The following CACNA2D1 variants were observed in gnomAD, a reference collection of about 807,000 sequenced individuals.
The protein encoded by CACNA2D1 is voltage-dependent calcium channel subunit alpha-2/delta-1.
In CACNA2D1, 53 loss-of-function variants were observed where a neutral mutation model predicts 171.5. The observed-to-expected ratio is 0.31, with a 90% CI of 0.25 to 0.39. The LOEUF is 0.39. CACNA2D1 is among the 10% of genes least tolerant of loss of function. The pLI is 1.00. For synonymous variants in CACNA2D1, 442 were observed against 443.1 expected, an observed-to-expected ratio of 1.00 and a Z score of 0.03; for missense variants, 903 against 1,299.8, an observed-to-expected ratio of 0.69 and a Z score of 4.69.
Position 82,190,374 on chromosome 7 carries a change from G to A in CACNA2D1, c.295-19765C>T, listed in dbSNP as rs138003956. Among the ~76,000 whole-genome samples, 12 of 151,708 alleles carry A rather than the reference G, an allele frequency of 7.9e-5. No individual in the cohort carries two copies. In the East Asian group the frequency reaches 1.2e-3, roughly 15 times the overall value. ...TTGTTTTAAGAAAAAAATCTGCTCC[G>A]TGGCACAAAGGAGATTAATTACTAA... On this transcript the variant is annotated intron_variant, in intron 3 of 38. Coordinates refer to ENST00000356860, the MANE Select transcript of CACNA2D1 (RefSeq NM_000722.4).
chr7:82,281,506 T>A (rs964727472), intron 3 of CACNA2D1, among the ~76,000 whole-genome samples: 2 of 152,216 alleles, frequency 1.3e-5, no homozygotes, highest in African/African-American at 4.8e-5. Flanking sequence ...CCTTAGAAAG[T>A]GAATATTCTC....
intron 1 of CACNA2D1, among the ~76,000 whole-genome samples, chr7:82,397,512 AG>A (rs1825868852): frequency 6.6e-6 from 1 of 152,140 alleles, no homozygotes; most frequent in Non-Finnish European, 1.5e-5. Context: ...CATTTTGCCT[AG>A]AATTGAGCAT....
intron 6 of CACNA2D1, among the ~76,000 whole-genome samples, chr7:82,088,057 G>A (rs1052525154): frequency 1.3e-4 from 20 of 152,020 alleles, no homozygotes; most frequent in African/African-American, 4.8e-4. Context: ...CTCTAAATAT[G>A]TGGGTAGAGT....
chr7:82,209,400 T>C (rs1362682579), intron 3 of CACNA2D1, among the ~76,000 whole-genome samples: 2 of 152,170 alleles, frequency 1.3e-5, no homozygotes, highest in South Asian at 4.1e-4. Flanking sequence ...AGTGTGCAAT[T>C]CATCACAACA....
intron 6 of CACNA2D1, among the ~76,000 whole-genome samples, chr7:82,085,275 CCA>C (rs1810316159): frequency 6.6e-6 from 1 of 152,070 alleles, no homozygotes; most frequent in African/African-American, 2.4e-5. Context: ...TAGTACCTCC[CCA>C]CCCCCAAGTT....
chr7:82,067,706 G>C lies in CACNA2D1; in HGVS notation c.659-1182C>G, dbSNP rs114439523. Among the ~76,000 whole-genome samples the C allele has an allele frequency of 3.4e-3, 523 of 152,280 alleles. 5 individuals are homozygous for C. Among genetic ancestry groups the C allele is most frequent in the African/African-American group, 0.012 (500 of 41,560 alleles). ...TTGCACTTGCAGAAAGTGAGAGTCTGCGATGTAAAATAATCCTTTTTGTGT... is the reference window on the plus strand; with the variant it reads ...TTGCACTTGCAGAAAGTGAGAGTCTCCGATGTAAAATAATCCTTTTTGTGT... On this transcript the variant is annotated intron_variant, in intron 7 of 38. Transcript: ENST00000356860.
chr7:82,011,234 T>C (rs1799736454), intron 15 of CACNA2D1, among the ~76,000 whole-genome samples: 1 of 152,136 alleles, frequency 6.6e-6, no homozygotes, highest in South Asian at 2.1e-4. Context: ...TGAATTGTCT[T>C]GGGCCACACC....
intron 4 of CACNA2D1, among the ~76,000 whole-genome samples, chr7:82,139,945 CTATTAT>C (rs4018980): frequency 1.5e-3 from 209 of 142,944 alleles, no homozygotes; most frequent in African/African-American, 3.9e-3. Flanking sequence ...ACACACCTGG[CTATTAT>C]TATTATTATT....
At chr7:82,291,449 T>TTA (rs1187907219) in intron 3 of CACNA2D1, among the ~76,000 whole-genome samples, 7 of 135,948 alleles carry the variant, frequency 5.1e-5, no homozygotes, top group African/African-American at 1.9e-4. Flanking sequence ...TATATTTTTA[T>TTA]TATATATATT....
intron 3 of CACNA2D1, among the ~76,000 whole-genome samples, chr7:82,320,770 T>C (rs970453171): frequency 2.0e-5 from 3 of 151,850 alleles, no homozygotes; most frequent in Non-Finnish European, 4.4e-5. Flanking sequence ...AATAAAGCAA[T>C]CAAAAGTTTT....
intron 3 of CACNA2D1, among the ~76,000 whole-genome samples, chr7:82,178,231 C>A (rs1482856487): frequency 6.6e-6 from 1 of 152,048 alleles, no homozygotes. Context: ...TCATGAAATA[C>A]TTCAAAATTA....
At chr7:81,999,921 A>G (rs902885063) in intron 18 of CACNA2D1, among the ~76,000 whole-genome samples, 2 of 152,172 alleles carry the variant, frequency 1.3e-5, no homozygotes, top group Non-Finnish European at 2.9e-5. Flanking sequence ...AAGTTTCTCA[A>G]CTAGGGCAGT....
chr7:82,062,797 A>C (rs1161725456), intron 9 of CACNA2D1, among the ~76,000 whole-genome samples: 1 of 121,432 alleles, frequency 8.2e-6, no homozygotes, highest in Non-Finnish European at 1.6e-5. Context: ...GCTGGAGTGC[A>C]GGGTATGAAC....
chr7:82,368,227 A>G (rs1427159883), intron 1 of CACNA2D1, among the ~76,000 whole-genome samples: 1 of 152,224 alleles, frequency 6.6e-6, no homozygotes, highest in Non-Finnish European at 1.5e-5. Context: ...CTTCAACCCA[A>G]AGGATTGTAG....
intron 10 of CACNA2D1, among the ~76,000 whole-genome samples, chr7:82,047,086 T>C (rs1804641651): frequency 6.6e-6 from 1 of 152,174 alleles, no homozygotes; most frequent in Admixed American, 6.6e-5. Context: ...GACATTTCTG[T>C]CTTCTCAACC....
chr7:82,019,378 C>T (rs1800906820), intron 12 of CACNA2D1, among the ~76,000 whole-genome samples: 1 of 152,066 alleles, frequency 6.6e-6, no homozygotes, highest in Non-Finnish European at 1.5e-5. Context: ...TAGTTATAAA[C>T]TTACATAATT....
At chr7:82,086,462 T>A (rs1325980980) in intron 6 of CACNA2D1, among the ~76,000 whole-genome samples, 1 of 152,132 alleles carries the variant, frequency 6.6e-6, no homozygotes, top group African/African-American at 2.4e-5. Flanking sequence ...CCATCGTGCA[T>A]CTGAGATACT....
intron 20 of CACNA2D1, 87 bp downstream of exon 20, chr7:81,994,781 G>A (rs367585017): frequency 8.2e-6 from 6 of 735,302 alleles, no homozygotes; most frequent in African/African-American, 3.5e-5. Context: ...AGTAAATAGT[G>A]GATTAATAGA....
intron 1 of CACNA2D1, among the ~76,000 whole-genome samples, chr7:82,396,938 G>C (rs939244323): frequency 3.9e-5 from 6 of 152,130 alleles, no homozygotes; most frequent in African/African-American, 1.4e-4. Flanking sequence ...AGAGATTAAA[G>C]TCCAGTCACA....
Sources: gnomAD v4.1 joint callset for allele counts (sites outside exome capture counted in the v4.1 genomes callset) on GRCh38, gnomAD v4.1.1 for gene constraint, MANE v1.5 for transcripts, NCBI Gene and HGNC (gene_info 2026-07-23, HGNC 2026-07-21) for gene names.